IDE: variants seen among roughly 807,000 people sequenced by gnomAD.
IDE encodes insulin-degrading enzyme.
Under a neutral mutation model 133.2 loss-of-function variants are expected in IDE, and 58 were observed. The observed-to-expected ratio is 0.44, with a 90% CI of 0.35 to 0.54. IDE has a LOEUF of 0.54. Ranked by LOEUF, IDE falls within the 20% of genes least tolerant of loss-of-function variation. The pLI, the probability that IDE is intolerant of heterozygous loss-of-function variation, is 0.00. For synonymous variants in IDE, 396 were observed against 421.3 expected, an observed-to-expected ratio of 0.94 and a Z score of 0.73; for missense variants, 981 against 1,234.0, an observed-to-expected ratio of 0.79 and a Z score of 3.07.
intron 4 of IDE, among the ~76,000 whole-genome samples, chr10:92,523,371 A>G (rs1221483906): frequency 6.6e-6 from 1 of 151,680 alleles, no homozygotes; most frequent in Non-Finnish European, 1.5e-5. Context: ...ACAGAAGGAA[A>G]CCCTGTCTCA....
intron 1 of IDE, among the ~76,000 whole-genome samples, chr10:92,547,561 T>C (rs1261167343): frequency 1.3e-5 from 2 of 152,208 alleles, no homozygotes; most frequent in African/African-American, 2.4e-5. Context: ...CATTTACCGA[T>C]AGAGCATCTA....
At chr10:92,513,541 T>C (rs1255584939) in intron 5 of IDE, among the ~76,000 whole-genome samples, 1 of 152,096 alleles carries the variant, frequency 6.6e-6, no homozygotes, top group African/African-American at 2.4e-5. Context: ...TCTTGGAATT[T>C]TTAATAAATC....
intron 1 of IDE, among the ~76,000 whole-genome samples, chr10:92,566,508 C>A (rs890996746): frequency 6.6e-6 from 1 of 151,918 alleles, no homozygotes; most frequent in Non-Finnish European, 1.5e-5. Context: ...ACGCCAGGCA[C>A]AGAATGACAG....
intron 23 of IDE, 72 bp downstream of exon 23, chr10:92,456,287 C>T: frequency 1.0e-6 from 1 of 981,292 alleles, no homozygotes; most frequent in African/African-American, 1.6e-5. Context: ...TTCTATAAGG[C>T]ATGTAGCTAT....
At chr10:92,470,671 C>T (rs1373967059) in intron 17 of IDE, among the ~76,000 whole-genome samples, 1 of 152,062 alleles carries the variant, frequency 6.6e-6, no homozygotes, top group Non-Finnish European at 1.5e-5. Context: ...GTTTCTCAGT[C>T]CTTCCATATA....
chr10:92,492,420 C>T (rs964001822), intron 11 of IDE, among the ~76,000 whole-genome samples: 8 of 152,110 alleles, frequency 5.3e-5, no homozygotes, highest in South Asian at 2.1e-4. Flanking sequence ...AGGGACACTC[C>T]GCCTCTACTG....
chr10:92,515,371 T>C (rs1446195436), intron 4 of IDE, among the ~76,000 whole-genome samples: 1 of 150,516 alleles, frequency 6.6e-6, no homozygotes, highest in Non-Finnish European at 1.5e-5. Flanking sequence ...GCCATTCTCC[T>C]GCCTCAGCCT....
Position 92,470,243 on chromosome 10 carries a change from C to A in IDE, c.2208+11G>T. On this transcript the variant is annotated intron_variant, in intron 18 of 24. Coordinates refer to ENST00000265986, the MANE Select transcript of IDE (RefSeq NM_004969.4). ...GATCCACAAAAGATTGCTAAAACCT[C>A]AACCACCCACCTGCTTTGTTATGTT... The A allele has an allele frequency of 6.3e-7, 1 of 1,577,722 alleles. No homozygotes were observed. Among genetic ancestry groups the A allele is most frequent in the South Asian group, 1.2e-5 (1 of 86,504 alleles).
intron 4 of IDE, among the ~76,000 whole-genome samples, chr10:92,527,474 A>G (rs919551377): frequency 6.6e-6 from 1 of 152,190 alleles, no homozygotes; most frequent in South Asian, 2.1e-4. Flanking sequence ...ATTCCTAAAA[A>G]AAAACTTACA....
chr10:92,455,001 G>C (rs1844915354), intron 24 of IDE, among the ~76,000 whole-genome samples: 7 of 152,056 alleles, frequency 4.6e-5, no homozygotes, highest in Admixed American at 4.6e-4. Context: ...CCAGTATTCA[G>C]TGCTGGGAAC....
At chr10:92,514,318 T>C (rs557880791) in intron 5 of IDE, among the ~76,000 whole-genome samples, 1 of 152,206 alleles carries the variant, frequency 6.6e-6, no homozygotes, top group Non-Finnish European at 1.5e-5. Flanking sequence ...TTAATCTGCA[T>C]TTTAAAAATC....
chr10:92,459,072 T>A (rs1589356838), intron 22 of IDE, among the ~76,000 whole-genome samples: 1 of 152,234 alleles, frequency 6.6e-6, no homozygotes, highest in African/African-American at 2.4e-5. Flanking sequence ...TTCAAAATAC[T>A]GGCTTCTGCT....
At chr10:92,524,477 A>T (rs1391527205) in intron 4 of IDE, among the ~76,000 whole-genome samples, 26 of 65,042 alleles carry the variant, frequency 4.0e-4, no homozygotes, top group African/African-American at 1.2e-3. Context: ...ATAATATATA[A>T]TATATATTAT....
chr10:92,489,502 T>A (rs1453826516), intron 12 of IDE, among the ~76,000 whole-genome samples: 1 of 152,132 alleles, frequency 6.6e-6, no homozygotes, highest in East Asian at 1.9e-4. Flanking sequence ...TACTCCAGCA[T>A]GGTGACACAG....
chr10:92,513,738 C>G (rs949578516), intron 5 of IDE, among the ~76,000 whole-genome samples: 17 of 151,358 alleles, frequency 1.1e-4, no homozygotes, highest in African/African-American at 3.9e-4. Flanking sequence ...AATATCTTCC[C>G]ATGGTATTAA....
intron 11 of IDE, among the ~76,000 whole-genome samples, chr10:92,494,164 T>G (rs1361789938): frequency 6.6e-6 from 1 of 151,850 alleles, no homozygotes; most frequent in East Asian, 1.9e-4. Flanking sequence ...TGAGCTCAAG[T>G]GATCCTCCTG....
At chr10:92,482,971 G>A (rs1239988596) in intron 14 of IDE, among the ~76,000 whole-genome samples, 2 of 151,902 alleles carry the variant, frequency 1.3e-5, no homozygotes, top group Non-Finnish European at 2.9e-5. Context: ...TAGTAGAGAC[G>A]GGGTTTCACC....
chr10:92,573,809 G>A, intron 1 of IDE, 113 bp downstream of exon 1: 1 of 728,032 alleles, frequency 1.4e-6, no homozygotes, highest in Non-Finnish European at 2.1e-6. Context: ...CGGGACGGGC[G>A]GCGTGAGGGG....
chr10:92,534,534 A>G (rs4646955), intron 3 of IDE, 44 bp downstream of exon 3: 227,789 of 1,014,588 alleles, frequency 0.22, 28,699 homozygotes, highest in Non-Finnish European at 0.26. Flanking sequence ...TATTAATGTG[A>G]TAAGTACACA....
Sources: allele counts gnomAD v4.1 joint callset (sites outside exome capture counted in the v4.1 genomes callset), GRCh38; gene constraint gnomAD v4.1.1; transcripts MANE v1.5; gene names NCBI Gene and HGNC (gene_info 2026-07-23, HGNC 2026-07-21).